HOGA1: variants seen among roughly 807,000 people sequenced by gnomAD.
HOGA1 encodes 4-hydroxy-2-oxoglutarate aldolase 1.
A neutral mutation model predicts 34.3 loss-of-function variants in HOGA1; 30 were observed. That is an observed-to-expected ratio of 0.87 (90% CI 0.65 to 1.19). The LOEUF (loss-of-function observed/expected upper bound fraction) is 1.19. Ranked by LOEUF, HOGA1 falls within the 50% of genes most tolerant of loss-of-function variation. The pLI, the probability that HOGA1 is intolerant of heterozygous loss-of-function variation, is 0.00. For missense variants in HOGA1, 417 were observed against 436.5 expected, an observed-to-expected ratio of 0.96 and a Z score of 0.40; for synonymous variants, 161 against 174.0, an observed-to-expected ratio of 0.93 and a Z score of 0.59.
At chr10:97,607,190 C>A (rs1297443861) in intron 6 of HOGA1, among the ~76,000 whole-genome samples, 1 of 151,732 alleles carries the variant, frequency 6.6e-6, no homozygotes, top group Non-Finnish European at 1.5e-5. Context: ...GGTAGAAGAG[C>A]CCCCTGGCTG....
chr10:97,609,558 G>A (rs1476157197), intron 6 of HOGA1, among the ~76,000 whole-genome samples: 1 of 152,082 alleles, frequency 6.6e-6, no homozygotes, highest in Non-Finnish European at 1.5e-5. Context: ...CAGACACCCC[G>A]AGAACAGCTT....
rs2041134886 is a variant in HOGA1, at chr10:97,603,458, G to A, written c.834+1468G>A. On this transcript the variant is annotated intron_variant, in intron 6 of 6. Transcript: ENST00000370646. The surrounding 1 kb of genome is among the most constrained non-coding windows in gnomAD (Gnocchi z 4.5). Reference sequence around the variant, plus strand: ...GCCTAGGCTGGTCTTTATCTCCTGGGCTCAAGCAGTCCTCCCACCTCAGCC... The same window carrying A: ...GCCTAGGCTGGTCTTTATCTCCTGGACTCAAGCAGTCCTCCCACCTCAGCC... Among the ~76,000 whole-genome samples, 1 of 151,406 alleles carries A rather than the reference G, an allele frequency of 6.6e-6. No homozygotes were observed. The highest frequency in any genetic ancestry group is 2.1e-4 in the South Asian group (1 of 4,800).
intron 1 of HOGA1, among the ~76,000 whole-genome samples, chr10:97,595,731 A>G (rs776484839): frequency 6.6e-6 from 1 of 152,178 alleles, no homozygotes; most frequent in Non-Finnish European, 1.5e-5. Context: ...AAAGGCACTA[A>G]TATCATCACT....
At chr10:97,599,966 G>A in intron 4 of HOGA1, 101 bp from the exon 5 acceptor site, 3 of 1,482,718 alleles carry the variant, frequency 2.0e-6, no homozygotes, top group Non-Finnish European at 2.8e-6. Flanking sequence ...TTTCTTGAGG[G>A]CATCTCTTTG....
chr10:97,605,997 A>G (rs1374393594), intron 6 of HOGA1, among the ~76,000 whole-genome samples: 2 of 152,048 alleles, frequency 1.3e-5, no homozygotes, highest in East Asian at 3.9e-4. Context: ...AATAACTCTT[A>G]AAGAGTTCTG....
chr10:97,590,276 G>A, intron 1 of HOGA1: 1 of 1,613,780 alleles, frequency 6.2e-7, no homozygotes, highest in African/African-American at 1.3e-5. Context: ...GTGGGCCGCT[G>A]TGGCTGCCTG....
chr10:97,590,326 C>T, intron 1 of HOGA1: 1 of 1,613,964 alleles, frequency 6.2e-7, no homozygotes, highest in Non-Finnish European at 8.5e-7. Flanking sequence ...ACCTGGCTCA[C>T]TCCATGCTGC....
intron 1 of HOGA1, chr10:97,590,680 C>A: frequency 9.5e-7 from 1 of 1,052,334 alleles, no homozygotes; most frequent in Non-Finnish European, 1.4e-6. Flanking sequence ...TCTATGCAGG[C>A]CAGGGTGAGA....
Position 97,611,427 on chromosome 10 carries a change from T to C in HOGA1, c.835-83T>C, listed in dbSNP as rs2135729715. On this transcript the variant is annotated intron_variant, in intron 6 of 6. Transcript: ENST00000370646. ...GGGGGAAGAGGGTAGGACTTCAATG[T>C]TCTGAAAGTGACAGATCTCCGAGTT... The C allele has an allele frequency of 2.0e-6, 3 of 1,510,146 alleles. No individual in the cohort carries two copies. The South Asian group carries it at 3.4e-5, about 17-fold the overall frequency. The allele number at this position is 1,510,146 out of a possible 1,614,324, so 93.5% of individuals were successfully genotyped here. A position where few individuals can be genotyped will look rare whatever the true frequency, so the allele number is the denominator to read the frequency against.
chr10:97,595,285 C>G (rs1036160990), intron 1 of HOGA1, among the ~76,000 whole-genome samples: 1 of 152,212 alleles, frequency 6.6e-6, no homozygotes, highest in African/African-American at 2.4e-5. Context: ...CAGCCACCCT[C>G]CTGATTTAAG....
intron 1 of HOGA1, 51 bp from the exon 2 acceptor site, chr10:97,598,724 T>C (rs1204842185): frequency 6.2e-7 from 1 of 1,611,826 alleles, no homozygotes; most frequent in Non-Finnish European, 8.5e-7. Flanking sequence ...ACCAATGTCC[T>C]AGTTGTTCGG....
At chr10:97,586,478 G>A (rs1235359342) in intron 1 of HOGA1, among the ~76,000 whole-genome samples, 2 of 152,202 alleles carry the variant, frequency 1.3e-5, no homozygotes, top group Non-Finnish European at 1.5e-5. Context: ...CCCTGTGGAG[G>A]GCCACGTTGA....
intron 1 of HOGA1, among the ~76,000 whole-genome samples, chr10:97,585,212 C>T (rs1040328871): frequency 6.6e-6 from 1 of 152,162 alleles, no homozygotes; most frequent in Non-Finnish European, 1.5e-5. Flanking sequence ...GGATAATGGG[C>T]GTGAAAGTCC....
Position 97,584,731 on chromosome 10 carries a change from G to A in HOGA1, c.28G>A (p.Val10Met), listed in dbSNP as rs1227503188. 4 of 1,611,734 alleles carry A rather than the reference G, an allele frequency of 2.5e-6. No homozygotes were observed. The African/African-American group carries it at 5.3e-5, about 22-fold the overall frequency. ...GCTGGGTCCCCAAGTCTGGTCTTCT[G>A]TGAGGCAGGGGCTAAGCAGGAGCTT... is the stretch of plus-strand genomic sequence containing the variant. MLGPQVWSS[V>M]RQGLSRSLSR... The change falls in exon 1 of 7, where the codon GTG (valine) becomes ATG (methionine). Residue 10 changes from valine to methionine, a missense_variant. By Grantham distance (21) the Val-to-Met change is conservative. Transcript: ENST00000370646.
intron 1 of HOGA1, chr10:97,590,314 G>A (rs2041009755): frequency 6.2e-7 from 1 of 1,613,690 alleles, no homozygotes; most frequent in Non-Finnish European, 8.5e-7. Context: ...CCCAGGGGCG[G>A]CACCTGGCTC....
rs535992960 is a variant in HOGA1 at position 97,610,727 on chromosome 10, G to A, written c.835-783G>A. On this transcript the variant is annotated intron_variant, in intron 6 of 6. Transcript: ENST00000370646. Reference sequence around the variant, plus strand: ...AGGCAGGAGAATCACTTGAACCCAGGAGGCAGAGATTGCAATGAGCTGAGA... The same window carrying A: ...AGGCAGGAGAATCACTTGAACCCAGAAGGCAGAGATTGCAATGAGCTGAGA... 2.0e-5 allele frequency among the ~76,000 whole-genome samples: 3 copies of A among 152,272 alleles called. No homozygotes were observed. The East Asian group carries it at 5.8e-4, about 29-fold the overall frequency.
intron 1 of HOGA1, chr10:97,590,478 A>G: frequency 1.2e-6 from 2 of 1,613,488 alleles, no homozygotes; most frequent in Non-Finnish European, 1.7e-6. Flanking sequence ...GCTGGTGCCA[A>G]TCACACACAC....
At chr10:97,593,270 G>T (rs1299677798) in intron 1 of HOGA1, among the ~76,000 whole-genome samples, 1 of 152,014 alleles carries the variant, frequency 6.6e-6, no homozygotes, top group East Asian at 1.9e-4. Flanking sequence ...GAGATCAGGA[G>T]TTTGAGACCA....
At chr10:97,587,611 G>A (rs199888834) in intron 1 of HOGA1, among the ~76,000 whole-genome samples, 8 of 151,958 alleles carry the variant, frequency 5.3e-5, no homozygotes, top group Non-Finnish European at 7.4e-5. Context: ...GGGTTCAAGC[G>A]ATTCTCATGC....
Sources: gnomAD v4.1 joint callset for allele counts (sites outside exome capture counted in the v4.1 genomes callset) on GRCh38, gnomAD v4.1.1 for gene constraint, Gnocchi (gnomAD v3.1) non-coding constraint, MANE v1.5 for transcripts, NCBI Gene and HGNC (gene_info 2026-07-23, HGNC 2026-07-21) for gene names.